The following ODAD4 variants were observed in gnomAD, a reference collection of about 807,000 sequenced individuals.
The protein encoded by ODAD4 is outer dynein arm-docking complex subunit 4.
A neutral mutation model predicts 51.8 loss-of-function variants in ODAD4; 49 were observed. The observed-to-expected ratio is 0.95, with a 90% CI of 0.75 to 1.20. ODAD4 has a LOEUF of 1.20. Among genes scored for constraint, ODAD4 ranks in the 50% most tolerant of loss-of-function variants. The pLI is 0.00. For missense variants in ODAD4, 590 were observed against 586.5 expected (o/e 1.01, Z -0.06); for synonymous variants, 235 against 221.3 (o/e 1.06, Z -0.55).
At chr17:41,941,081 C>T (rs1253175779) in intron 7 of ODAD4, among the ~76,000 whole-genome samples, 1 of 152,190 alleles carries the variant, frequency 6.6e-6, no homozygotes, top group African/African-American at 2.4e-5. Flanking sequence ...TGCGCTTGGC[C>T]CCCTCACTGT....
intron 3 of ODAD4, among the ~76,000 whole-genome samples, chr17:41,935,977 T>A (rs1555637715): frequency 2.0e-5 from 3 of 152,250 alleles, no homozygotes; most frequent in Non-Finnish European, 4.4e-5. Context: ...CTCTGAGCGC[T>A]GCAGCCTTGG....
Position 41,940,737 on chromosome 17 carries a change from A to G in ODAD4, c.1058+1565A>G, listed in dbSNP as rs148198283. On this transcript the variant is annotated intron_variant, in intron 7 of 11. Transcript: ENST00000377540. Reference sequence around the variant, plus strand: ...TGGGGATTAGATGTGATGTATATATATGGTACCTTGGATCCAACCATCTCC... The same window carrying G: ...TGGGGATTAGATGTGATGTATATATGTGGTACCTTGGATCCAACCATCTCC... 2.9e-3 allele frequency among the ~76,000 whole-genome samples: 446 copies of G among 152,242 alleles called. 3 individuals carry two copies. Among genetic ancestry groups the G allele is most frequent in the African/African-American group, 0.01 (422 of 41,552 alleles).
chr17:41,943,105 A>G (rs148724240), intron 7 of ODAD4, among the ~76,000 whole-genome samples: 1 of 152,256 alleles, frequency 6.6e-6, no homozygotes, highest in East Asian at 1.9e-4. Flanking sequence ...GCAAAACCTG[A>G]AAGTTGTCCC....
At chr17:41,951,876 T>C (rs2050657790) in intron 9 of ODAD4, among the ~76,000 whole-genome samples, 1 of 105,502 alleles carries the variant, frequency 9.5e-6, no homozygotes, top group South Asian at 3.3e-4. Flanking sequence ...AGAACGAGAC[T>C]CTGTCGCAAA....
At chr17:41,962,590 G>A (rs1340875089) in intron 11 of ODAD4, among the ~76,000 whole-genome samples, 1 of 152,228 alleles carries the variant, frequency 6.6e-6, no homozygotes, top group East Asian at 1.9e-4. Context: ...ATCTGTATCT[G>A]TTCAGGAACA....
intron 1 of ODAD4, among the ~76,000 whole-genome samples, chr17:41,931,751 A>C (rs1198608268): frequency 9.2e-5 from 14 of 152,180 alleles, no homozygotes; most frequent in African/African-American, 2.9e-4. Flanking sequence ...CATGTTGGCC[A>C]GGCTGGTGTC....
At chr17:41,944,252 C>G (rs1256134960) in intron 7 of ODAD4, among the ~76,000 whole-genome samples, 2 of 151,772 alleles carry the variant, frequency 1.3e-5, no homozygotes, top group African/African-American at 4.8e-5. Flanking sequence ...GGAGTCCCTG[C>G]TACTCAGTGG....
chr17:41,956,016 T>G (rs2050726989), intron 10 of ODAD4, among the ~76,000 whole-genome samples: 1 of 150,984 alleles, frequency 6.6e-6, no homozygotes, highest in African/African-American at 2.4e-5. Context: ...CCTCCCAATG[T>G]GCTGGGATTA....
At chr17:41,947,202 G>A (rs1598082239) in intron 8 of ODAD4, among the ~76,000 whole-genome samples, 2 of 150,962 alleles carry the variant, frequency 1.3e-5, no homozygotes, top group South Asian at 2.1e-4. Flanking sequence ...GGCCGGGCGC[G>A]GTGGCTCACG....
intron 1 of ODAD4, among the ~76,000 whole-genome samples, chr17:41,934,917 A>T (rs1377982708): frequency 2.6e-5 from 4 of 152,214 alleles, no homozygotes; most frequent in Admixed American, 2.0e-4. Flanking sequence ...AAGTCAGCGT[A>T]TCCACAGAGC....
chr17:41,949,532 T>G, intron 9 of ODAD4, among the ~76,000 whole-genome samples, 183 bp downstream of exon 9: 1 of 152,286 alleles, frequency 6.6e-6, no homozygotes, highest in East Asian at 1.9e-4. Context: ...TAAGCAAAGC[T>G]TGGTTAGAGC....
intron 10 of ODAD4, among the ~76,000 whole-genome samples, chr17:41,960,459 C>CAAAA (rs1307415674): frequency 7.0e-6 from 1 of 143,592 alleles, no homozygotes; most frequent in Non-Finnish European, 1.5e-5. Context: ...AAAAAAAAAA[C>CAAAA]AAACAAACAA....
intron 9 of ODAD4, among the ~76,000 whole-genome samples, chr17:41,951,503 G>A (rs1302368984): frequency 6.8e-6 from 1 of 146,712 alleles, no homozygotes; most frequent in African/African-American, 2.5e-5. Context: ...GCAGTGGCGC[G>A]ATCTTGGCTC....
intron 9 of ODAD4, among the ~76,000 whole-genome samples, chr17:41,951,431 C>T (rs898919701): frequency 2.6e-5 from 4 of 151,258 alleles, no homozygotes; most frequent in Non-Finnish European, 4.4e-5. Context: ...CCTTACAAGC[C>T]GGTGAACTTT....
intron 7 of ODAD4, among the ~76,000 whole-genome samples, chr17:41,944,428 ACACACACACACACACACCC>A (rs782450392): frequency 0.02 from 274 of 13,844 alleles, 3 homozygotes; most frequent in Middle Eastern, 0.025. Context: ...ACACACACAC[ACACACACACACACACACCC>A]CCCCGCATAC....
rs183276349 is a variant in ODAD4 at position 41,942,363 on chromosome 17, A to G, written c.1059-2773A>G. Among the ~76,000 whole-genome samples, 3 of 152,118 alleles carry G rather than the reference A, an allele frequency of 2.0e-5. 1 individual carries two copies. The highest frequency in any genetic ancestry group is 7.3e-5 in the African/African-American group (3 of 41,366). ...TGCTAGATTAGCCACTTACTAGTCT[A>G]AGTGGTTTTTTCAGTGCCCACGGCA... On this transcript the variant is annotated intron_variant, in intron 7 of 11. Transcript: ENST00000377540.
chr17:41,962,208 C>T (rs1404405869), intron 11 of ODAD4, among the ~76,000 whole-genome samples: 1 of 152,104 alleles, frequency 6.6e-6, no homozygotes, highest in African/African-American at 2.4e-5. Flanking sequence ...GAGTGCTCTG[C>T]CAGAGTCATG....
intron 9 of ODAD4, among the ~76,000 whole-genome samples, chr17:41,950,726 T>A (rs2050641118): frequency 6.6e-6 from 1 of 151,864 alleles, no homozygotes; most frequent in South Asian, 2.1e-4. Context: ...TTTTATTTTT[T>A]GAGATGGAGT....
At position 41,939,090 on chromosome 17, in the gene ODAD4, A is replaced by G. The variant is rs1555638356; in HGVS notation, c.976A>G (p.Ile326Val). 6.2e-7 allele frequency: 1 copy of G among 1,614,010 alleles called. No individual in the cohort carries two copies. The highest frequency in any genetic ancestry group is 8.5e-7 in the Non-Finnish European group (1 of 1,179,886). Residue 326 changes from isoleucine (I) to valine (V), a missense_variant, in exon 7 of 12, where the codon ATA becomes GTA. Physicochemically the swap from Ile to Val is conservative, Grantham distance 29. Coordinates refer to ENST00000377540, the MANE Select transcript of ODAD4 (RefSeq NM_031421.5). ...DELVGNLYSCIGNAQIELGQM... is the reference protein window; with the variant it reads ...DELVGNLYSCVGNAQIELGQM... Reference sequence around the variant, plus strand: ...ACTGGTTGGAAACTTGTATAGCTGCATAGGGAATGCCCAGATTGAGCTGGG... The same window carrying G: ...ACTGGTTGGAAACTTGTATAGCTGCGTAGGGAATGCCCAGATTGAGCTGGG...
Sources: gnomAD v4.1 joint callset for allele counts (sites outside exome capture counted in the v4.1 genomes callset) on GRCh38, gnomAD v4.1.1 for gene constraint, MANE v1.5 for transcripts, NCBI Gene and HGNC (gene_info 2026-07-23, HGNC 2026-07-21) for gene names.